The following KCNH8 variants were observed in gnomAD, a reference collection of about 807,000 sequenced individuals.
KCNH8 encodes the protein potassium voltage-gated channel subfamily H member 8.
Under a neutral mutation model 103.6 loss-of-function variants are expected in KCNH8, and 70 were observed. That is an observed-to-expected ratio of 0.68 (90% CI 0.56 to 0.82). The LOEUF is 0.82. Ranked by LOEUF, KCNH8 falls within the 40% of genes least tolerant of loss-of-function variation. KCNH8 has a pLI of 0.00. For missense variants in KCNH8, 1,217 were observed against 1,329.9 expected (o/e 0.92, Z 1.32); for synonymous variants, 498 against 489.4 (o/e 1.02, Z -0.23).
intron 1 of KCNH8, among the ~76,000 whole-genome samples, chr3:19,239,681 T>TCTATCTATCTAC (rs1553627723): frequency 5.8e-5 from 8 of 138,490 alleles, no homozygotes; most frequent in African/African-American, 1.8e-4. Flanking sequence ...TATCTATCTA[T>TCTATCTATCTAC]CTACCTACCT....
intron 15 of KCNH8, among the ~76,000 whole-genome samples, chr3:19,528,364 A>C (rs1232697972): frequency 1.2e-4 from 18 of 152,072 alleles, no homozygotes; most frequent in Non-Finnish European, 1.5e-5. Context: ...GAAATTTCCC[A>C]GAGAATTAAA....
In KCNH8 at chr3:19,488,643, G is replaced by A. The variant is rs116543353; in HGVS notation, c.2041-21720G>A. Among the ~76,000 whole-genome samples, 221 of 152,110 alleles carry A rather than the reference G, an allele frequency of 1.5e-3. 2 individuals are homozygous for A. Among genetic ancestry groups the A allele is most frequent in the African/African-American group, 5.1e-3 (210 of 41,510 alleles). On this transcript the variant is annotated intron_variant, in intron 11 of 15. Coordinates refer to ENST00000328405, the MANE Select transcript of KCNH8 (RefSeq NM_144633.3). ...ACCTTATTTAAATTTGTAACCTTTT[G>A]AGCCCCTTTCTTTAGACCTTTTATC...
chr3:19,337,597 G>A (rs901369194), intron 3 of KCNH8, among the ~76,000 whole-genome samples: 1 of 151,562 alleles, frequency 6.6e-6, no homozygotes, highest in Non-Finnish European at 1.5e-5. Flanking sequence ...CTTTTACTCC[G>A]AACACTCTTA....
chr3:19,185,025 G>C (rs1029880764), intron 1 of KCNH8, among the ~76,000 whole-genome samples: 3 of 151,798 alleles, frequency 2.0e-5, no homozygotes, highest in African/African-American at 7.2e-5. Flanking sequence ...CCATATACCA[G>C]TTGTTGATTA....
At chr3:19,184,111 G>A (rs893787515) in intron 1 of KCNH8, among the ~76,000 whole-genome samples, 2 of 151,920 alleles carry the variant, frequency 1.3e-5, no homozygotes, top group East Asian at 1.9e-4. Flanking sequence ...TCCACTACAA[G>A]TACACAAGAA....
intron 11 of KCNH8, among the ~76,000 whole-genome samples, chr3:19,461,920 C>A (rs772784987): frequency 5.9e-5 from 9 of 151,990 alleles, no homozygotes; most frequent in Non-Finnish European, 1.2e-4. Flanking sequence ...TGATAGTTTG[C>A]TCAGAATGAT....
Position 19,345,449 on chromosome 3 carries a change from A to G in KCNH8, c.571-2276A>G, listed in dbSNP as rs540413877. ...CACTGGAGTTAACTAGTATGTTTCA[A>G]TAACTCATAGGTGGAGGTTAAACAT... is the stretch of plus-strand genomic sequence containing the variant. On this transcript the variant is annotated intron_variant, in intron 4 of 15. Coordinates refer to ENST00000328405, the MANE Select transcript of KCNH8 (RefSeq NM_144633.3). Among the ~76,000 whole-genome samples the G allele has an allele frequency of 5.9e-5, 9 of 152,212 alleles. No homozygotes were observed. In the South Asian group the frequency reaches 8.3e-4, roughly 14 times the overall value.
chr3:19,286,613 T>C (rs1008940240), intron 3 of KCNH8, among the ~76,000 whole-genome samples: 2 of 152,218 alleles, frequency 1.3e-5, no homozygotes, highest in African/African-American at 4.8e-5. Flanking sequence ...AATCCACTGA[T>C]GTTTAAATTC....
rs184832216 is a variant in KCNH8, at chr3:19,460,115, C to T, written c.2040+3133C>T. On this transcript the variant is annotated intron_variant, in intron 11 of 15. Transcript: ENST00000328405. ...CAAAATAAGATTTTCTTTTCACAGG[C>T]AAACAGTATCAGCAAACCAACTTAA... Among the ~76,000 whole-genome samples the T allele has an allele frequency of 2.0e-5, 3 of 152,256 alleles. No homozygotes were observed. The East Asian group carries it at 5.8e-4, about 29-fold the overall frequency.
At chr3:19,182,426 G>A (rs917791088) in intron 1 of KCNH8, among the ~76,000 whole-genome samples, 1 of 152,210 alleles carries the variant, frequency 6.6e-6, no homozygotes, top group Non-Finnish European at 1.5e-5. Context: ...AGCTACTTGG[G>A]AGGCTGAGGC....
chr3:19,422,454 A>C (rs186318472), intron 7 of KCNH8, among the ~76,000 whole-genome samples: 1 of 152,244 alleles, frequency 6.6e-6, no homozygotes, highest in East Asian at 1.9e-4. Flanking sequence ...GATGTTTTAC[A>C]AAATTATTTT....
At chr3:19,232,924 T>C (rs2064013031) in intron 1 of KCNH8, among the ~76,000 whole-genome samples, 1 of 152,202 alleles carries the variant, frequency 6.6e-6, no homozygotes, top group South Asian at 2.1e-4. Context: ...ATATTGCTGA[T>C]GTTTGACACA....
At chr3:19,188,881 C>T (rs1414846796) in intron 1 of KCNH8, among the ~76,000 whole-genome samples, 5 of 151,908 alleles carry the variant, frequency 3.3e-5, no homozygotes, top group East Asian at 3.9e-4. Flanking sequence ...TGGGTTCAGG[C>T]GATCCTCCCA....
At chr3:19,388,705 C>A (rs13063823) in intron 5 of KCNH8, among the ~76,000 whole-genome samples, 1 of 151,966 alleles carries the variant, frequency 6.6e-6, no homozygotes, top group Non-Finnish European at 1.5e-5. Context: ...CAATTGTTTT[C>A]TTTTTGGGTC....
intron 6 of KCNH8, among the ~76,000 whole-genome samples, chr3:19,394,274 G>A (rs1412843241): frequency 6.6e-6 from 1 of 151,990 alleles, no homozygotes; most frequent in African/African-American, 2.4e-5. Flanking sequence ...AAGAAGGTGT[G>A]TTATGTGCAC....
In KCNH8 at chr3:19,534,860, G is replaced by C. The variant is rs895891987; in HGVS notation, c.*761G>C. On this transcript the variant is annotated 3_prime_UTR_variant, in exon 16 of 16. Transcript: ENST00000328405. Reference sequence around the variant, plus strand: ...TTACTAAGAGGATGTAGTTTCCAAAGGAATCCCCCATTTTTTCTGCATGCA... The same window carrying C: ...TTACTAAGAGGATGTAGTTTCCAAACGAATCCCCCATTTTTTCTGCATGCA... The C allele has an allele frequency of 3.3e-5, 5 of 152,130 alleles. No homozygotes were observed. Among genetic ancestry groups the C allele is most frequent in the African/African-American group, 1.2e-4 (5 of 41,412 alleles). 9.4% of individuals were successfully genotyped at this position (152,130 alleles called of 1,614,324 possible).
intron 1 of KCNH8, among the ~76,000 whole-genome samples, chr3:19,162,601 C>T (rs953909257): frequency 1.3e-5 from 2 of 151,834 alleles, no homozygotes; most frequent in Non-Finnish European, 2.9e-5. Context: ...ATTTACTAGA[C>T]TTAATATTAA....
chr3:19,462,099 C>T (rs188696472), intron 11 of KCNH8, among the ~76,000 whole-genome samples: 25 of 152,302 alleles, frequency 1.6e-4, no homozygotes. Flanking sequence ...CCACAATAAA[C>T]ATATGTGTGC....
intron 1 of KCNH8, among the ~76,000 whole-genome samples, chr3:19,208,174 T>C (rs554141790): frequency 8.0e-4 from 121 of 152,072 alleles, no homozygotes; most frequent in Non-Finnish European, 1.5e-3. Flanking sequence ...TTTAAAGAAA[T>C]TAGTCATGTA....
Sources: allele counts gnomAD v4.1 joint callset (sites outside exome capture counted in the v4.1 genomes callset), GRCh38; gene constraint gnomAD v4.1.1; transcripts MANE v1.5; gene names NCBI Gene and HGNC (gene_info 2026-07-23, HGNC 2026-07-21).